NRXN3: variants seen among roughly 807,000 people sequenced by gnomAD.
NRXN3 encodes the protein neurexin III.
NRXN3 carries 32 observed loss-of-function variants against 137.6 expected under a neutral mutation model. The ratio of observed to expected loss-of-function variants is 0.23; its 90% CI spans 0.18 to 0.31. The LOEUF (loss-of-function observed/expected upper bound fraction) is 0.31. NRXN3 is among the 10% of genes least tolerant of loss of function. The pLI, the probability that NRXN3 is intolerant of heterozygous loss-of-function variation, is 1.00. For synonymous variants in NRXN3, 798 were observed against 784.5 expected, an observed-to-expected ratio of 1.02 and a Z score of -0.29; for missense variants, 1,574 against 2,062.5, an observed-to-expected ratio of 0.76 and a Z score of 4.59.
chr14:79,100,911 T>C (rs768203629), intron 15 of NRXN3, among the ~76,000 whole-genome samples: 2 of 151,754 alleles, frequency 1.3e-5, no homozygotes, highest in Non-Finnish European at 2.9e-5. Context: ...CAAAACTAAA[T>C]AAAAAAAATA....
rs570360223 is a variant in NRXN3 at position 78,618,497 on chromosome 14, C to T, written c.758-26623C>T. Among the ~76,000 whole-genome samples, 12 of 152,264 alleles carry T rather than the reference C, an allele frequency of 7.9e-5. 1 individual carries two copies. The South Asian group carries it at 1.0e-3, about 13-fold the overall frequency. On this transcript the variant is annotated intron_variant, in intron 4 of 20. Coordinates refer to ENST00000335750, the MANE Select transcript of NRXN3 (RefSeq NM_001330195.2). ...GAAGTTAGCTGAAGGGCAATGTCAGCGCACCAGCTTTGAAATTACATGCAG... is the reference window on the plus strand; with the variant it reads ...GAAGTTAGCTGAAGGGCAATGTCAGTGCACCAGCTTTGAAATTACATGCAG...
rs369899600 is a variant in NRXN3, at chr14:79,678,697, C to T, written c.3617-13476C>T. ...AGGCTTTCTTCTCACCTGTCCATCT[C>T]TTGTCCTAATTACACCTTATACTTA... is the stretch of plus-strand genomic sequence containing the variant. On this transcript the variant is annotated intron_variant, in intron 17 of 20. Coordinates refer to ENST00000335750, the MANE Select transcript of NRXN3 (RefSeq NM_001330195.2). Among the ~76,000 whole-genome samples, 267 of 152,286 alleles carry T rather than the reference C, an allele frequency of 1.8e-3. 1 individual carries two copies. The highest frequency in any genetic ancestry group is 6.1e-3 in the African/African-American group (254 of 41,584).
intron 16 of NRXN3, among the ~76,000 whole-genome samples, chr14:79,475,008 A>G (rs1361483507): frequency 6.6e-6 from 1 of 151,952 alleles, no homozygotes; most frequent in South Asian, 2.1e-4. Flanking sequence ...TAAAGTCACA[A>G]AGAGCTTGGT....
Position 78,810,193 on chromosome 14 carries a change from A to C in NRXN3, c.2249-125A>C. 3 of 635,230 alleles carry C rather than the reference A, an allele frequency of 4.7e-6. No individual in the cohort carries two copies. The South Asian group carries it at 5.4e-5, about 11-fold the overall frequency. The allele number at this position is 635,230 out of a possible 1,614,324, so 39.3% of individuals were successfully genotyped here. On this transcript the variant is annotated intron_variant, in intron 9 of 20. Transcript: ENST00000335750. ...CCTTAAACTTGTACATACTTTATAT[A>C]TATAAAATGGCCACATTTCTTACGT... is the stretch of plus-strand genomic sequence containing the variant.
At chr14:78,861,525 T>C (rs1192125285) in intron 10 of NRXN3, among the ~76,000 whole-genome samples, 2 of 152,096 alleles carry the variant, frequency 1.3e-5, no homozygotes, top group Non-Finnish European at 2.9e-5. Flanking sequence ...ATCAAAGTAA[T>C]ACCAACTCTT....
intron 15 of NRXN3, among the ~76,000 whole-genome samples, chr14:79,410,835 T>G (rs75553433): frequency 1.3e-5 from 2 of 152,158 alleles, no homozygotes. Flanking sequence ...TACAATCTTA[T>G]GTTTTGAAGC....
chr14:79,141,988 T>G (rs1028516809), intron 15 of NRXN3, among the ~76,000 whole-genome samples: 1 of 152,144 alleles, frequency 6.6e-6, no homozygotes, highest in Non-Finnish European at 1.5e-5. Flanking sequence ...AAAATATCCA[T>G]AAGACCATAT....
chr14:78,803,518 C>A, intron 8 of NRXN3, 102 bp from the exon 9 acceptor site: 1 of 1,057,334 alleles, frequency 9.5e-7, no homozygotes, highest in Non-Finnish European at 1.5e-6. Context: ...CACTAGGCTA[C>A]AAATCTGGCA....
chr14:79,570,775 A>AG (rs1483780212), intron 16 of NRXN3, among the ~76,000 whole-genome samples: 1 of 152,182 alleles, frequency 6.6e-6, no homozygotes, highest in East Asian at 1.9e-4. Context: ...CAGGATCAAG[A>AG]ACAAGGTGCT....
At chr14:79,257,257 G>A (rs983383401) in intron 15 of NRXN3, among the ~76,000 whole-genome samples, 3 of 149,406 alleles carry the variant, frequency 2.0e-5, no homozygotes, top group African/African-American at 4.9e-5. Context: ...TGGAGTGTAA[G>A]TAACAAGTAT....
intron 4 of NRXN3, among the ~76,000 whole-genome samples, chr14:78,379,935 A>G (rs1039137235): frequency 2.0e-5 from 3 of 152,212 alleles, no homozygotes; most frequent in African/African-American, 4.8e-5. Context: ...TTGTATTTCT[A>G]TGTATTAGTA....
At chr14:79,215,641 C>A (rs2068374627) in intron 15 of NRXN3, among the ~76,000 whole-genome samples, 1 of 152,088 alleles carries the variant, frequency 6.6e-6, no homozygotes, top group African/African-American at 2.4e-5. Context: ...ACCATGAGAA[C>A]AGTATGGGGG....
intron 15 of NRXN3, among the ~76,000 whole-genome samples, chr14:79,283,478 G>A (rs1166628835): frequency 6.6e-6 from 1 of 152,086 alleles, no homozygotes; most frequent in African/African-American, 2.4e-5. Flanking sequence ...CCAAATAGCT[G>A]ATATTTTACC....
intron 6 of NRXN3, among the ~76,000 whole-genome samples, chr14:78,699,934 C>T (rs976974766): frequency 1.3e-5 from 2 of 152,140 alleles, no homozygotes; most frequent in African/African-American, 2.4e-5. Flanking sequence ...AACACACAAC[C>T]CATGTGTTTA....
chr14:78,283,565 A>T (rs1291075265), intron 3 of NRXN3, among the ~76,000 whole-genome samples: 3 of 151,546 alleles, frequency 2.0e-5, no homozygotes. Flanking sequence ...CTGGCATGTA[A>T]TGGTGCAATC....
intron 6 of NRXN3, among the ~76,000 whole-genome samples, chr14:78,682,813 T>C (rs1404921290): frequency 6.6e-6 from 1 of 152,182 alleles, no homozygotes; most frequent in Non-Finnish European, 1.5e-5. Flanking sequence ...GGGATTAAAA[T>C]CCACATTCTC....
intron 1 of NRXN3, among the ~76,000 whole-genome samples, chr14:78,205,631 C>T (rs543880250): frequency 9.2e-5 from 14 of 152,218 alleles, no homozygotes; most frequent in African/African-American, 3.1e-4. Flanking sequence ...GGTGGAGGGA[C>T]AGCAGGGTGC....
chr14:79,349,734 G>A (rs2093109718), intron 15 of NRXN3, among the ~76,000 whole-genome samples: 1 of 152,132 alleles, frequency 6.6e-6, no homozygotes, highest in Admixed American at 6.5e-5. Flanking sequence ...AGGTAATCAA[G>A]TTAACATCAA....
intron 3 of NRXN3, among the ~76,000 whole-genome samples, chr14:78,294,688 A>G (rs1399660454): frequency 6.6e-6 from 1 of 152,226 alleles, no homozygotes; most frequent in Non-Finnish European, 1.5e-5. Flanking sequence ...ATCAAGGCAA[A>G]GAAATGTTTA....
Sources: allele counts gnomAD v4.1 joint callset (sites outside exome capture counted in the v4.1 genomes callset), GRCh38; gene constraint gnomAD v4.1.1; transcripts MANE v1.5; gene names NCBI Gene and HGNC (gene_info 2026-07-23, HGNC 2026-07-21).